HECTD2: variants seen among roughly 807,000 people sequenced by gnomAD.
HECTD2 encodes HECT domain E3 ubiquitin protein ligase 2.
A neutral mutation model predicts 103.2 loss-of-function variants in HECTD2; 35 were observed. That is an observed-to-expected ratio of 0.34 (90% CI 0.26 to 0.45). The LOEUF (loss-of-function observed/expected upper bound fraction) is 0.45. HECTD2 is among the 20% of genes least tolerant of loss of function. The pLI is 1.00. For synonymous variants in HECTD2, 281 were observed against 329.9 expected, an observed-to-expected ratio of 0.85 and a Z score of 1.61; for missense variants, 596 against 937.4, an observed-to-expected ratio of 0.64 and a Z score of 4.76.
intron 20 of HECTD2, among the ~76,000 whole-genome samples, chr10:91,505,240 T>C (rs1847104283): frequency 6.6e-6 from 1 of 151,178 alleles, no homozygotes; most frequent in Non-Finnish European, 1.5e-5. Flanking sequence ...CCAGCTAACA[T>C]CATAATGACA....
intron 2 of HECTD2, among the ~76,000 whole-genome samples, chr10:91,439,388 G>C (rs1388842193): frequency 1.3e-5 from 2 of 152,128 alleles, no homozygotes; most frequent in East Asian, 3.9e-4. Flanking sequence ...GATTATTGTA[G>C]ATGTGTGGCA....
At chr10:91,499,415 A>G (rs1377346783) in intron 18 of HECTD2, among the ~76,000 whole-genome samples, 1 of 152,148 alleles carries the variant, frequency 6.6e-6, no homozygotes, top group Non-Finnish European at 1.5e-5. Context: ...GAGTGGATGA[A>G]GGGATCCATG....
At chr10:91,426,857 TTTA>T (rs1262666507) in intron 2 of HECTD2, among the ~76,000 whole-genome samples, 1 of 151,750 alleles carries the variant, frequency 6.6e-6, no homozygotes, top group Non-Finnish European at 1.5e-5. Flanking sequence ...GGTATTTTTT[TTTA>T]TTATTATACT....
At chr10:91,445,990 A>ATT (rs113184485) in intron 2 of HECTD2, among the ~76,000 whole-genome samples, 1 of 148,388 alleles carries the variant, frequency 6.7e-6, no homozygotes, top group Admixed American at 6.7e-5. Flanking sequence ...TGCTGCAGGA[A>ATT]TTTTTTTTTT....
At position 91,410,508 on chromosome 10, in the gene HECTD2, A is replaced by T. The variant is rs1263918589; in HGVS notation, c.70A>T (p.Arg24Trp). Reference protein sequence around the residue: ...LVVAAPAPEERKGKESEREKL... With the variant: ...LVVAAPAPEEWKGKESEREKL... ...GGTGGCGGCGCCCGCGCCTGAGGAG[A>T]GGAAAGGGAAGGAGTCAGAGCGCGA... The change falls in exon 1 of 21, where the codon AGG becomes TGG. Residue 24 changes from arginine (R) to tryptophan (W), a missense_variant. By Grantham distance (101) the Arg-to-Trp change is moderately radical. Coordinates refer to ENST00000298068, the MANE Select transcript of HECTD2 (RefSeq NM_182765.6). 6.8e-7 allele frequency: 1 copy of T among 1,475,450 alleles called. No individual in the cohort carries two copies. Among genetic ancestry groups the T allele is most frequent in the Middle Eastern group, 1.9e-4 (1 of 5,236 alleles). 91.4% of individuals were successfully genotyped at this position (1,475,450 alleles called of 1,614,324 possible).
intron 5 of HECTD2, chr10:91,462,792 G>C: frequency 1.0e-6 from 1 of 983,508 alleles, no homozygotes; most frequent in Non-Finnish European, 1.2e-6. Flanking sequence ...ACCACATTTT[G>C]AGAACCATAC....
Position 91,499,840 on chromosome 10 carries a change from T to C in HECTD2, c.1951-662T>C, listed in dbSNP as rs143184142. On this transcript the variant is annotated intron_variant, in intron 18 of 20. Transcript: ENST00000298068. ...AGAGAAATGGACTATAGAAGTTGCT[T>C]TGGGGCAAAACCAAGTGGCTTACAT... Among the ~76,000 whole-genome samples the C allele has an allele frequency of 4.6e-3, 706 of 152,282 alleles. 20 individuals carry two copies. Among genetic ancestry groups the C allele is most frequent in the Admixed American group, 0.044 (673 of 15,290 alleles).
chr10:91,509,732 A>G (rs1847348097), intron 20 of HECTD2, among the ~76,000 whole-genome samples: 2 of 152,144 alleles, frequency 1.3e-5, no homozygotes, highest in African/African-American at 4.8e-5. Flanking sequence ...TACTGAGTAC[A>G]TGTGAACACA....
Position 91,487,546 on chromosome 10 carries a change from C to A in HECTD2, c.1095-136C>A, listed in dbSNP as rs939036387. 1 of 712,394 alleles carries A rather than the reference C, an allele frequency of 1.4e-6. No individual in the cohort carries two copies. Among genetic ancestry groups the A allele is most frequent in the South Asian group, 1.5e-5 (1 of 68,018 alleles). The allele number at this position is 712,394 out of a possible 1,614,324, so 44.1% of individuals were successfully genotyped here. ...AGAATTAAAAGAAATTATACACATACAATCATTTTGTATATGGTAAAACAC... is the reference window on the plus strand; with the variant it reads ...AGAATTAAAAGAAATTATACACATAAAATCATTTTGTATATGGTAAAACAC... On this transcript the variant is annotated intron_variant, in intron 10 of 20. Coordinates refer to ENST00000298068, the MANE Select transcript of HECTD2 (RefSeq NM_182765.6). The surrounding 1 kb of genome is among the most constrained non-coding windows in gnomAD (Gnocchi z 4.1).
At chr10:91,496,145 T>TTCA (rs1846655006) in intron 14 of HECTD2, 69 bp from the exon 15 acceptor site, 1 of 1,024,486 alleles carries the variant, frequency 9.8e-7, no homozygotes, top group South Asian at 2.0e-5. Flanking sequence ...AAAAATAGAC[T>TTCA]GATGCATAAT....
chr10:91,463,873 T>C (rs1306888489), intron 5 of HECTD2, among the ~76,000 whole-genome samples: 1 of 152,202 alleles, frequency 6.6e-6, no homozygotes, highest in Non-Finnish European at 1.5e-5. Context: ...TTTGGAAAAA[T>C]ACTTGGCATG....
rs1391711735 is a variant in HECTD2 at position 91,512,991 on chromosome 10, G to T, written c.*607G>T. ...TTTGATAGTGCCATTTATTGTTAAA[G>T]ATTTATTTTTACAAAGTAAATTCAG... On this transcript the variant is annotated 3_prime_UTR_variant, in exon 21 of 21. Transcript: ENST00000298068. The T allele has an allele frequency of 6.6e-6, 1 of 152,602 alleles. No individual in the cohort carries two copies. Among genetic ancestry groups the T allele is most frequent in the South Asian group, 2.1e-4 (1 of 4,830 alleles). 9.5% of individuals were successfully genotyped at this position (152,602 alleles called of 1,614,324 possible).
At chr10:91,428,347 C>T (rs1249591911) in intron 2 of HECTD2, among the ~76,000 whole-genome samples, 18 of 150,898 alleles carry the variant, frequency 1.2e-4, no homozygotes, top group Admixed American at 7.9e-4. Context: ...TTAGGATTGA[C>T]TTGGCGATGC....
chr10:91,433,284 C>T (rs1843971813), intron 2 of HECTD2, among the ~76,000 whole-genome samples: 1 of 151,836 alleles, frequency 6.6e-6, no homozygotes, highest in Non-Finnish European at 1.5e-5. Flanking sequence ...AAAGTCAAAA[C>T]TATAAAAATA....
chr10:91,460,081 C>T (rs1845278789), intron 2 of HECTD2, among the ~76,000 whole-genome samples: 1 of 152,006 alleles, frequency 6.6e-6, no homozygotes, highest in African/African-American at 2.4e-5. Flanking sequence ...AAACATTGAG[C>T]CTCATTGAAA....
intron 11 of HECTD2, among the ~76,000 whole-genome samples, 162 bp from the exon 12 acceptor site, chr10:91,491,035 TAAG>T (rs1265017549): frequency 2.0e-5 from 3 of 151,376 alleles, no homozygotes; most frequent in South Asian, 2.1e-4. Flanking sequence ...GAAATAATAA[TAAG>T]CCATTTTCAC....
intron 1 of HECTD2, 137 bp downstream of exon 1, chr10:91,410,713 C>T (rs889747547): frequency 2.6e-6 from 2 of 781,354 alleles, no homozygotes; most frequent in Admixed American, 4.4e-5. Flanking sequence ...CTCAGGCCGC[C>T]CTTCCTTGGG....
At position 91,450,178 on chromosome 10, in the gene HECTD2, T is replaced by C. The variant is rs138331649; in HGVS notation, c.269-10249T>C. On this transcript the variant is annotated intron_variant, in intron 2 of 20. Transcript: ENST00000298068. The stretch of plus-strand genomic sequence containing the variant: ...CACAGTACTGGTACCAAAACAGATA[T>C]ATAAACCAATGGAACAGCATAGAGA... Among the ~76,000 whole-genome samples, 191 of 152,136 alleles carry C rather than the reference T, an allele frequency of 1.3e-3. 6 individuals carry two copies. The East Asian group carries it at 0.029, about 23-fold the overall frequency.
intron 1 of HECTD2, among the ~76,000 whole-genome samples, chr10:91,413,838 T>C (rs1843016089): frequency 1.3e-5 from 2 of 152,192 alleles, no homozygotes; most frequent in African/African-American, 4.8e-5. Context: ...GATGGAGCCC[T>C]CAGAGACTTT....
Sources: allele counts gnomAD v4.1 joint callset (sites outside exome capture counted in the v4.1 genomes callset), GRCh38; gene constraint gnomAD v4.1.1; non-coding constraint Gnocchi (gnomAD v3.1); transcripts MANE v1.5; gene names NCBI Gene and HGNC (gene_info 2026-07-23, HGNC 2026-07-21).